The following SORBS2 variants were observed in gnomAD, a reference collection of about 807,000 sequenced individuals.
SORBS2 encodes sorbin and SH3 domain-containing protein 2.
SORBS2 carries 46 observed loss-of-function variants against 97.7 expected under a neutral mutation model. The observed-to-expected ratio is 0.47, with a 90% CI of 0.37 to 0.60. The LOEUF is 0.60. Ranked by LOEUF, SORBS2 falls within the 20% of genes least tolerant of loss-of-function variation. SORBS2 has a pLI of 0.00. For synonymous variants in SORBS2, 476 were observed against 473.4 expected (o/e 1.01, Z -0.07); for missense variants, 1,316 against 1,282.3 (o/e 1.03, Z -0.40).
chr4:185,845,673 A>T (rs908522371), intron 1 of SORBS2, among the ~76,000 whole-genome samples: 1 of 152,234 alleles, frequency 6.6e-6, no homozygotes, highest in Non-Finnish European at 1.5e-5. Flanking sequence ...GGTATACAGA[A>T]TATATAAAGA....
At chr4:185,635,307 C>T in intron 4 of SORBS2, 48 bp downstream of exon 16, 1 of 1,345,342 alleles carries the variant, frequency 7.4e-7, no homozygotes, top group Non-Finnish European at 1.1e-6. Flanking sequence ...ATCACAGTCA[C>T]AGCCTCTAAG....
chr4:185,751,190 A>AAAAAGAG lies in SORBS2; in HGVS notation c.-198+24036_-198+24037insCTCTTTT. On this transcript the variant is annotated intron_variant, in intron 2 of 20. Transcript: ENST00000284776. Reference sequence around the variant, plus strand: ...TAAATACTAAAAAAAAAAAAAAAAAAAGAGAAAGAGAGAGAAATTCAGGAA... The same window carrying AAAAAGAG: ...TAAATACTAAAAAAAAAAAAAAAAAAAAAAGAGAGAGAAAGAGAGAGAAATTCAGGAA... 3.4e-3 allele frequency among the ~76,000 whole-genome samples: 297 copies of AAAAAGAG among 86,488 alleles called. 10 individuals are homozygous for AAAAAGAG. Among genetic ancestry groups the AAAAAGAG allele is most frequent in the African/African-American group, 0.012 (285 of 24,428 alleles). 56.7% of individuals were successfully genotyped at this position (86,488 alleles called of 152,430 possible).
chr4:185,938,984 A>C (rs541278986), intron 1 of SORBS2, among the ~76,000 whole-genome samples: 10 of 152,310 alleles, frequency 6.6e-5, no homozygotes, highest in Non-Finnish European at 1.3e-4. Flanking sequence ...TCAGTATTTA[A>C]AACTGCCTGG....
intron 2 of SORBS2, among the ~76,000 whole-genome samples, chr4:185,702,507 ATC>A (rs1258949307): frequency 5.9e-5 from 9 of 152,160 alleles, no homozygotes; most frequent in Non-Finnish European, 1.2e-4. Flanking sequence ...ATTAAGCCCC[ATC>A]TCCAATTGGG....
chr4:185,606,898 T>C lies in SORBS2; in HGVS notation c.2796+4882A>G. ...GGCCACAAAATTATCCCCTAGGACT[T>C]CTGGTGCCTTTTTAGGGTCTGAGAA... On this transcript the variant is annotated intron_variant, in intron 12 of 14. Transcript: ENST00000418609. The surrounding 1 kb of genome is among the most constrained non-coding windows in gnomAD (Gnocchi z 4.3). 2 of 988,802 alleles carry C rather than the reference T, an allele frequency of 2.0e-6. No homozygotes were observed. The highest frequency in any genetic ancestry group is 2.4e-6 in the Non-Finnish European group (2 of 831,722). 61.3% of individuals were successfully genotyped at this position (988,802 alleles called of 1,614,324 possible). A position where few individuals can be genotyped will look rare whatever the true frequency, so the allele number is the denominator to read the frequency against.
intron 1 of SORBS2, among the ~76,000 whole-genome samples, chr4:185,900,944 CTCTT>C (rs1322564717): frequency 2.0e-5 from 3 of 152,232 alleles, no homozygotes; most frequent in African/African-American, 4.8e-5. Context: ...GGACAGCTAT[CTCTT>C]TCTGTGTAAA....
chr4:185,725,816 G>A (rs1033922615), intron 2 of SORBS2, among the ~76,000 whole-genome samples: 7 of 151,978 alleles, frequency 4.6e-5, no homozygotes, highest in African/African-American at 1.2e-4. Flanking sequence ...CAATTGCAAG[G>A]CTAATATTTT....
At chr4:185,643,967 C>T (rs955017507) in intron 4 of SORBS2, among the ~76,000 whole-genome samples, 2 of 152,142 alleles carry the variant, frequency 1.3e-5, no homozygotes, top group East Asian at 1.9e-4. Flanking sequence ...TATATCAGTA[C>T]GCGGCCAGTC....
At chr4:185,824,247 C>G (rs945847029) in intron 1 of SORBS2, among the ~76,000 whole-genome samples, 1 of 152,206 alleles carries the variant, frequency 6.6e-6, no homozygotes. Flanking sequence ...TGCCAGCAAT[C>G]TTGGTGTTTC....
chr4:185,600,664 T>C (rs2096241245), intron 12 of SORBS2, among the ~76,000 whole-genome samples: 1 of 152,180 alleles, frequency 6.6e-6, no homozygotes, highest in South Asian at 2.1e-4. Flanking sequence ...TTTCATAGAA[T>C]GCTTAGCAAT....
chr4:185,693,831 A>G (rs1016375314), intron 2 of SORBS2, among the ~76,000 whole-genome samples: 5 of 152,266 alleles, frequency 3.3e-5, no homozygotes, highest in Admixed American at 6.5e-5. Context: ...CGATATTTAC[A>G]GAATATCTAA....
intron 1 of SORBS2, among the ~76,000 whole-genome samples, chr4:185,797,219 G>A (rs1359083253): frequency 6.6e-6 from 1 of 152,180 alleles, no homozygotes; most frequent in Admixed American, 6.5e-5. Flanking sequence ...AGACACTTAG[G>A]AGAGCGACTG....
chr4:185,730,046 G>A (rs554229787), intron 2 of SORBS2, among the ~76,000 whole-genome samples: 177 of 151,982 alleles, frequency 1.2e-3, no homozygotes, highest in African/African-American at 4.0e-3. Context: ...TCCGCCTCCC[G>A]GGTTCACGCC....
At chr4:185,928,890 T>A (rs1379051446) in intron 1 of SORBS2, among the ~76,000 whole-genome samples, 1 of 152,140 alleles carries the variant, frequency 6.6e-6, no homozygotes, top group Non-Finnish European at 1.5e-5. Flanking sequence ...CATGCAGGTA[T>A]CTTCAAAGTC....
intron 2 of SORBS2, chr4:185,774,024 G>A (rs1290660676): frequency 1.3e-5 from 2 of 150,202 alleles, no homozygotes; most frequent in Non-Finnish European, 1.5e-5. Context: ...TTACTCAGAC[G>A]ATCCTTATGT....
At chr4:185,828,856 G>A (rs2099203525) in intron 1 of SORBS2, among the ~76,000 whole-genome samples, 2 of 152,164 alleles carry the variant, frequency 1.3e-5, no homozygotes, top group African/African-American at 4.8e-5. Context: ...CATCCCCTGT[G>A]GTGGAGGCAA....
At chr4:185,821,175 G>A (rs529250402) in intron 1 of SORBS2, among the ~76,000 whole-genome samples, 1 of 152,310 alleles carries the variant, frequency 6.6e-6, no homozygotes, top group East Asian at 1.9e-4. Context: ...CTCACCAAGG[G>A]GCCACACGCG....
intron 2 of SORBS2, among the ~76,000 whole-genome samples, chr4:185,701,181 ACT>A (rs916370368): frequency 6.6e-6 from 1 of 151,928 alleles, no homozygotes; most frequent in Non-Finnish European, 1.5e-5. Context: ...AACTCTCAAC[ACT>A]CTTTCTTTTA....
At chr4:185,787,351 T>C (rs2099061057) in intron 1 of SORBS2, among the ~76,000 whole-genome samples, 1 of 152,118 alleles carries the variant, frequency 6.6e-6, no homozygotes, top group Admixed American at 6.5e-5. Flanking sequence ...GTGGACAAAC[T>C]GAACTGATGC....
Sources: allele counts gnomAD v4.1 joint callset (sites outside exome capture counted in the v4.1 genomes callset), GRCh38; gene constraint gnomAD v4.1.1; non-coding constraint Gnocchi (gnomAD v3.1); transcripts MANE v1.5; gene names NCBI Gene and HGNC (gene_info 2026-07-23, HGNC 2026-07-21).